IP6K3: variants seen among roughly 807,000 people sequenced by gnomAD.
IP6K3 encodes the protein inositol hexakisphosphate kinase 3, also known as ATP:1D-myo-inositol-hexakisphosphate phosphotransferase.
In IP6K3, 20 loss-of-function variants were observed where a neutral mutation model predicts 28.8. The ratio of observed to expected loss-of-function variants is 0.70; its 90% CI spans 0.49 to 1.01. The LOEUF (loss-of-function observed/expected upper bound fraction) is 1.01, where lower values mean the gene tolerates loss of function less well. Among genes scored for constraint, IP6K3 ranks in the 50% least tolerant of loss-of-function variants. The pLI, the probability that IP6K3 is intolerant of heterozygous loss-of-function variation, is 0.00. For missense variants in IP6K3, 480 were observed against 537.1 expected (o/e 0.89, Z 1.05); for synonymous variants, 213 against 221.3 (o/e 0.96, Z 0.33).
At chr6:33,733,539 A>G (rs1326332100) in intron 2 of IP6K3, among the ~76,000 whole-genome samples, 1 of 152,262 alleles carries the variant, frequency 6.6e-6, no homozygotes, top group East Asian at 1.9e-4. Flanking sequence ...GCAAGCGTGA[A>G]ATGGTGCTGG....
chr6:33,751,508 GTGTGTGTGTGTT>G (rs1175913792), upstream of IP6K3, among the ~76,000 whole-genome samples: 653 of 129,644 alleles, frequency 5.0e-3, 14 homozygotes, highest in East Asian at 0.03. This position sits in a 1 kb window ranked among gnomAD's most constrained non-coding sequence, Gnocchi z 4.3. Flanking sequence ...GTGTGTGTGT[GTGTGTGTGTGTT>G]TGGCCCCGGG....
At position 33,722,456 on chromosome 6, in the gene IP6K3, G is replaced by T; in HGVS notation, c.*264C>A. ...CCTCTAACTTGGGCTGCCCCCTCCA[G>T]TGTACTCCAGAAGGTGCCACTTTAT... is the stretch of plus-strand genomic sequence containing the variant. On this transcript the variant is annotated 3_prime_UTR_variant, in exon 6 of 6. Coordinates refer to ENST00000293756, the MANE Select transcript of IP6K3 (RefSeq NM_054111.5). The T allele has an allele frequency of 3.2e-6, 1 of 317,374 alleles. No homozygotes were observed. Among genetic ancestry groups the T allele is most frequent in the Non-Finnish European group, 5.8e-6 (1 of 173,054 alleles). The allele number at this position is 317,374 out of a possible 1,614,324, so 19.7% of individuals were successfully genotyped here. A position where few individuals can be genotyped will look rare whatever the true frequency, so the allele number is the denominator to read the frequency against.
chr6:33,730,866 G>A (rs1766296803), intron 2 of IP6K3, among the ~76,000 whole-genome samples: 1 of 152,162 alleles, frequency 6.6e-6, no homozygotes, highest in African/African-American at 2.4e-5. Context: ...GTTTGCATTA[G>A]GGACATTCCT....
intron 1 of IP6K3, among the ~76,000 whole-genome samples, chr6:33,737,846 G>A (rs1196823176): frequency 1.3e-5 from 2 of 152,228 alleles, no homozygotes; most frequent in Non-Finnish European, 2.9e-5. Flanking sequence ...CTCCAGCCTA[G>A]GCATTGATCC....
At chr6:33,749,736 C>G (rs190980189), upstream of IP6K3, among the ~76,000 whole-genome samples, 1 of 151,614 alleles carries the variant, frequency 6.6e-6, no homozygotes, top group Non-Finnish European at 1.5e-5. Context: ...GGGGGAGGGC[C>G]GGCCCTGCCC....
At chr6:33,724,413 T>A (rs1165103856) in intron 5 of IP6K3, among the ~76,000 whole-genome samples, 1 of 152,202 alleles carries the variant, frequency 6.6e-6, no homozygotes, top group Non-Finnish European at 1.5e-5. Flanking sequence ...ACGTTTACCG[T>A]CAAATCAGTG....
the IP6K3 span, among the ~76,000 whole-genome samples, chr6:33,756,210 T>C: frequency 3.2e-4 from 49 of 152,166 alleles, no homozygotes; most frequent in African/African-American, 1.2e-3. Flanking sequence ...GATGGTAGTG[T>C]GGTAGAGAAA....
upstream of IP6K3, among the ~76,000 whole-genome samples, chr6:33,750,502 C>T (rs944130347): frequency 3.3e-5 from 5 of 152,186 alleles, no homozygotes; most frequent in South Asian, 2.1e-4. The surrounding 1 kb of genome is among the most constrained non-coding windows in gnomAD (Gnocchi z 4.3). Context: ...TCCACCACCT[C>T]GTCCCTTTTT....
At position 33,744,391 on chromosome 6, in the gene IP6K3, G is replaced by A. The variant is rs180681067; in HGVS notation, c.-180+2367C>T. The stretch of plus-strand genomic sequence containing the variant: ...GCCACAGACGTAAGGTGTTGCCAGC[G>A]GTTAGCATGGCAGTTTTATGGTTGC... On this transcript the variant is annotated intron_variant, in intron 1 of 5. Transcript: ENST00000293756. The surrounding 1 kb of genome is among the most constrained non-coding windows in gnomAD (Gnocchi z 4.4). 2.0e-5 allele frequency among the ~76,000 whole-genome samples: 3 copies of A among 152,310 alleles called. No homozygotes were observed. The highest frequency in any genetic ancestry group is 1.9e-4 in the East Asian group (1 of 5,184).
intron 1 of IP6K3, among the ~76,000 whole-genome samples, chr6:33,743,230 G>A (rs1234332607): frequency 2.0e-5 from 3 of 152,216 alleles, no homozygotes; most frequent in African/African-American, 7.2e-5. Context: ...GTGGTGGGGA[G>A]AGGGCTTTCT....
intron 2 of IP6K3, among the ~76,000 whole-genome samples, chr6:33,733,679 C>A (rs1189927333): frequency 6.6e-6 from 1 of 152,258 alleles, no homozygotes; most frequent in Non-Finnish European, 1.5e-5. Context: ...CCAGGCAACA[C>A]CAGCCTGCGG....
chr6:33,751,908 C>T, the IP6K3 span, among the ~76,000 whole-genome samples: 1 of 152,212 alleles, frequency 6.6e-6, no homozygotes, highest in African/African-American at 2.4e-5. The surrounding 1 kb of genome is among the most constrained non-coding windows in gnomAD (Gnocchi z 4.3). Flanking sequence ...GAGATGACTG[C>T]CCCTGCATGT....
At chr6:33,737,277 C>G (rs371794207) in intron 1 of IP6K3, among the ~76,000 whole-genome samples, 168 of 152,314 alleles carry the variant, frequency 1.1e-3, no homozygotes, top group African/African-American at 3.6e-3. Flanking sequence ...GGAGGCTCTT[C>G]CTGCCCTGTT....
upstream of IP6K3, among the ~76,000 whole-genome samples, chr6:33,748,853 G>GT (rs1182037084): frequency 2.6e-4 from 34 of 128,632 alleles, no homozygotes; most frequent in African/African-American, 1.4e-3. Flanking sequence ...GGTTTAAAGT[G>GT]GGGTGGGGAT....
At chr6:33,725,988 C>T (rs1391735023) in intron 4 of IP6K3, among the ~76,000 whole-genome samples, 2 of 152,136 alleles carry the variant, frequency 1.3e-5, no homozygotes, top group Non-Finnish European at 2.9e-5. Flanking sequence ...TGGACCAATA[C>T]CTTTTGGGAG....
At chr6:33,727,399 G>A (rs111285629) in intron 3 of IP6K3, among the ~76,000 whole-genome samples, 24 of 152,272 alleles carry the variant, frequency 1.6e-4, no homozygotes, top group Non-Finnish European at 2.8e-4. Context: ...GCATCTTGGC[G>A]TCACCATCTG....
At chr6:33,754,781 C>T in the IP6K3 span, among the ~76,000 whole-genome samples, 96 of 152,282 alleles carry the variant, frequency 6.3e-4, no homozygotes, top group African/African-American at 2.2e-3. Context: ...AGCCTGGTGG[C>T]GAGAGCAGGG....
the IP6K3 span, among the ~76,000 whole-genome samples, chr6:33,753,418 G>A: frequency 4.6e-5 from 7 of 152,294 alleles, no homozygotes; most frequent in South Asian, 1.2e-3. Flanking sequence ...ACTTGCCATG[G>A]GGGTGGAGTG....
intron 1 of IP6K3, among the ~76,000 whole-genome samples, chr6:33,740,076 G>A (rs1194256713): frequency 2.0e-5 from 3 of 152,170 alleles, no homozygotes; most frequent in African/African-American, 7.2e-5. Flanking sequence ...AATATCCTTG[G>A]CTCTCTTTAG....
Sources: gnomAD v4.1 joint callset for allele counts (sites outside exome capture counted in the v4.1 genomes callset) on GRCh38, gnomAD v4.1.1 for gene constraint, Gnocchi (gnomAD v3.1) non-coding constraint, MANE v1.5 for transcripts, NCBI Gene and HGNC (gene_info 2026-07-23, HGNC 2026-07-21) for gene names.